AGBL4: variants seen among roughly 807,000 people sequenced by gnomAD.
AGBL4 encodes AGBL carboxypeptidase 4, also known as cytosolic carboxypeptidase 6.
In AGBL4, 58 loss-of-function variants were observed where a neutral mutation model predicts 66.4. The observed-to-expected ratio is 0.87, with a 90% CI of 0.71 to 1.09. The LOEUF is 1.09. Among genes scored for constraint, AGBL4 ranks in the 50% least tolerant of loss-of-function variants. The pLI, the probability that AGBL4 is intolerant of heterozygous loss-of-function variation, is 0.00. For missense variants in AGBL4, 579 were observed against 631.0 expected, an observed-to-expected ratio of 0.92 and a Z score of 0.88; for synonymous variants, 234 against 222.9, an observed-to-expected ratio of 1.05 and a Z score of -0.44.
intron 3 of AGBL4, among the ~76,000 whole-genome samples, chr1:49,455,203 T>G (rs1297297191): frequency 1.3e-5 from 2 of 151,618 alleles, no homozygotes; most frequent in Non-Finnish European, 3.0e-5. Context: ...CCTGATGTCA[T>G]GAAGTACAGA....
chr1:49,497,186 C>G (rs4926535), intron 3 of AGBL4, among the ~76,000 whole-genome samples: 14,295 of 151,884 alleles, frequency 0.094, 930 homozygotes, highest in African/African-American at 0.17. Context: ...TGAGAAATGT[C>G]TAATAGTACC....
At chr1:49,276,777 C>A (rs1038769375) in intron 3 of AGBL4, among the ~76,000 whole-genome samples, 2 of 152,152 alleles carry the variant, frequency 1.3e-5, no homozygotes, top group African/African-American at 4.8e-5. Context: ...TGCACTGAGC[C>A]CCCATTCTTC....
chr1:48,609,031 G>A (rs779124594), intron 9 of AGBL4, among the ~76,000 whole-genome samples: 5 of 152,150 alleles, frequency 3.3e-5, no homozygotes, highest in Admixed American at 1.3e-4. Flanking sequence ...CTAGGGTTAC[G>A]TAGGGAAGCC....
At chr1:48,578,361 C>T (rs990312440) in intron 11 of AGBL4, among the ~76,000 whole-genome samples, 1 of 152,150 alleles carries the variant, frequency 6.6e-6, no homozygotes, top group African/African-American at 2.4e-5. Flanking sequence ...ATTTAAAGAT[C>T]AAACTCTAGC....
At chr1:49,020,023 A>C (rs1240516286) in intron 5 of AGBL4, among the ~76,000 whole-genome samples, 1 of 152,226 alleles carries the variant, frequency 6.6e-6, no homozygotes, top group Non-Finnish European at 1.5e-5. Flanking sequence ...ACCCCTGACA[A>C]ATACCCTGAA....
At chr1:48,740,291 C>A (rs1021643613) in intron 6 of AGBL4, among the ~76,000 whole-genome samples, 36 of 152,292 alleles carry the variant, frequency 2.4e-4, no homozygotes, top group African/African-American at 8.7e-4. Context: ...GCAGAACAGA[C>A]TGGTGAGAGT....
intron 1 of AGBL4, among the ~76,000 whole-genome samples, chr1:50,012,402 T>G (rs1263244406): frequency 1.3e-5 from 2 of 152,118 alleles, no homozygotes; most frequent in Non-Finnish European, 2.9e-5. Context: ...GATAACCCAT[T>G]CTCCTTGATG....
chr1:48,804,972 G>T (rs1305153747), intron 6 of AGBL4, among the ~76,000 whole-genome samples: 2 of 152,074 alleles, frequency 1.3e-5, no homozygotes, highest in South Asian at 2.1e-4. Flanking sequence ...GGTTGGGAGC[G>T]GGAGAAGAGT....
intron 3 of AGBL4, chr1:49,269,315 T>G (rs915991778): frequency 6.6e-6 from 1 of 152,204 alleles, no homozygotes; most frequent in Non-Finnish European, 1.5e-5. Context: ...TTTTTGGTGC[T>G]TTGTTATTGA....
chr1:49,633,694 TG>T (rs2124369382), intron 3 of AGBL4, among the ~76,000 whole-genome samples: 1 of 151,882 alleles, frequency 6.6e-6, no homozygotes, highest in East Asian at 1.9e-4. Context: ...GCAGATAAAA[TG>T]TTGCCTTTTA....
chr1:48,591,080 ACACC>A, intron 9 of AGBL4, 95 bp from the exon 10 acceptor site: 4 of 808,866 alleles, frequency 4.9e-6, no homozygotes, highest in Admixed American at 3.3e-5. Flanking sequence ...CCCCCCACAC[ACACC>A]CACCCACCCC....
chr1:49,015,029 C>T (rs1662708419), intron 5 of AGBL4, among the ~76,000 whole-genome samples: 1 of 152,154 alleles, frequency 6.6e-6, no homozygotes, highest in Non-Finnish European at 1.5e-5. Flanking sequence ...AAAACTTCTA[C>T]CTCATAGTCT....
intron 1 of AGBL4, among the ~76,000 whole-genome samples, chr1:49,914,185 T>A (rs1409722960): frequency 6.6e-6 from 1 of 152,218 alleles, no homozygotes; most frequent in Admixed American, 6.5e-5. Flanking sequence ...TCCCTTTTGA[T>A]TATAAATTGT....
chr1:49,364,466 A>G (rs1644203461), intron 3 of AGBL4, among the ~76,000 whole-genome samples: 1 of 151,510 alleles, frequency 6.6e-6, no homozygotes, highest in Non-Finnish European at 1.5e-5. Context: ...CTTCAAAACC[A>G]CCATGAGAGT....
intron 8 of AGBL4, among the ~76,000 whole-genome samples, chr1:48,640,749 G>A (rs1645741361): frequency 6.6e-6 from 1 of 152,152 alleles, no homozygotes; most frequent in African/African-American, 2.4e-5. Context: ...GAGACACTAA[G>A]CTACTCATTT....
At chr1:49,874,809 T>TTTTTG (rs373648095) in intron 1 of AGBL4, among the ~76,000 whole-genome samples, 5 of 152,090 alleles carry the variant, frequency 3.3e-5, no homozygotes, top group Admixed American at 2.0e-4. Flanking sequence ...TTCTATTATT[T>TTTTTG]TTTTGTTTTG....
chr1:49,154,847 T>C (rs1448924041), intron 4 of AGBL4, among the ~76,000 whole-genome samples: 1 of 152,158 alleles, frequency 6.6e-6, no homozygotes, highest in South Asian at 2.1e-4. Flanking sequence ...AACATATTGA[T>C]TGTTTTTTCT....
chr1:49,519,352 T>A (rs1004016644), intron 3 of AGBL4, among the ~76,000 whole-genome samples: 6 of 152,064 alleles, frequency 3.9e-5, no homozygotes, highest in African/African-American at 1.2e-4. Flanking sequence ...TTTTAATCTA[T>A]AAAACAACTT....
chr1:48,989,564 T>G (rs940854737), intron 5 of AGBL4, among the ~76,000 whole-genome samples: 2 of 152,118 alleles, frequency 1.3e-5, no homozygotes, highest in African/African-American at 4.8e-5. Context: ...CCTTCTACTC[T>G]CTATCTCCAT....
Sources: gnomAD v4.1 joint callset for allele counts (sites outside exome capture counted in the v4.1 genomes callset) on GRCh38, gnomAD v4.1.1 for gene constraint, MANE v1.5 for transcripts, NCBI Gene and HGNC (gene_info 2026-07-23, HGNC 2026-07-21) for gene names.